CFAP298: variants seen among roughly 807,000 people sequenced by gnomAD.
CFAP298 encodes cilia- and flagella-associated protein 298.
In CFAP298, 38 loss-of-function variants were observed where a neutral mutation model predicts 41.0. The ratio of observed to expected loss-of-function variants is 0.93; its 90% CI spans 0.72 to 1.22. The LOEUF (loss-of-function observed/expected upper bound fraction) is 1.22, where lower values mean the gene tolerates loss of function less well. Ranked by LOEUF, CFAP298 falls within the 50% of genes most tolerant of loss-of-function variation. The pLI, the probability that CFAP298 is intolerant of heterozygous loss-of-function variation, is 0.00. For synonymous variants in CFAP298, 137 were observed against 135.3 expected (o/e 1.01, Z -0.09); for missense variants, 348 against 360.3 (o/e 0.97, Z 0.28).
rs1424237588 is a variant in CFAP298 at position 32,600,658 on chromosome 21, T to C, written c.*1205A>G. On this transcript the variant is annotated 3_prime_UTR_variant, in exon 7 of 7. Transcript: ENST00000290155. The stretch of plus-strand genomic sequence containing the variant: ...ATACTTGGATGGTTTACAGTGATGA[T>C]GAGTTGGAGTCTTTAAACTCAATGG... Among the ~76,000 whole-genome samples the C allele has an allele frequency of 6.6e-6, 1 of 152,222 alleles. No homozygotes were observed.
In CFAP298 at chr21:32,609,981, C is replaced by T; in HGVS notation, c.164G>A (p.Gly55Asp). The stretch of plus-strand genomic sequence containing the variant: ...TTGCATATTAGGAGGGAGAAATATG[C>T]CATGTTCGGCTAATTCTTCCATTTC... ...CSEMEELAEH[G>D]IFLPPNMQGL... Residue 55 changes from glycine to aspartate, a missense_variant, in exon 2 of 7, where the codon GGC (glycine) becomes GAC (aspartate). Coordinates refer to ENST00000290155, the MANE Select transcript of CFAP298 (RefSeq NM_021254.4). 1 of 1,613,384 alleles carries T rather than the reference C, an allele frequency of 6.2e-7. No homozygotes were observed. Among genetic ancestry groups the T allele is most frequent in the South Asian group, 1.1e-5 (1 of 91,026 alleles).
Position 32,602,352 on chromosome 21 carries a change from G to T in CFAP298, c.682C>A (p.Pro228Thr), listed in dbSNP as rs762213272. 6.2e-7 allele frequency: 1 copy of T among 1,613,462 alleles called. No individual in the cohort carries two copies. Among genetic ancestry groups the T allele is most frequent in the South Asian group, 1.1e-5 (1 of 91,078 alleles). Residue 228 changes from proline to threonine, a missense_variant, in exon 6 of 7, where the codon CCA becomes ACA. By Grantham distance (38) the Pro-to-Thr change is conservative (BLOSUM62 -1). Transcript: ENST00000290155. Reference sequence around the variant, plus strand: ...CTGCTAATAATAGGCTCTCGGGCTGGAGCTCCCTGTCCCCTCTGCAAAGAG... The same window carrying T: ...CTGCTAATAATAGGCTCTCGGGCTGTAGCTCCCTGTCCCCTCTGCAAAGAG... ...AKIQQRGQGA[P>T]AREPIISSEE...
intron 2 of CFAP298, among the ~76,000 whole-genome samples, chr21:32,608,115 G>A (rs1243818775): frequency 1.3e-5 from 2 of 150,798 alleles, no homozygotes; most frequent in Admixed American, 6.6e-5. Flanking sequence ...GGGTAGCTGC[G>A]TCTCCTTACA....
intron 4 of CFAP298, 147 bp downstream of exon 4, chr21:32,603,978 T>C (rs2038809930): frequency 5.3e-6 from 4 of 754,090 alleles, no homozygotes; most frequent in Non-Finnish European, 6.5e-6. Flanking sequence ...TGCTCCTGAA[T>C]TCAGAACTCT....
Position 32,600,722 on chromosome 21 carries a change from C to A in CFAP298, c.*1141G>T, listed in dbSNP as rs2038721054. On this transcript the variant is annotated 3_prime_UTR_variant, in exon 7 of 7. Transcript: ENST00000290155. ...CAGTTAGGATGATAGTGATCCCATC[C>A]ATCCCGTGGTTGGTCACTGAGCTGC... Among the ~76,000 whole-genome samples the A allele has an allele frequency of 1.3e-5, 2 of 152,202 alleles. No individual in the cohort carries two copies. The highest frequency in any genetic ancestry group is 4.8e-5 in the African/African-American group (2 of 41,452).
intron 5 of CFAP298, chr21:32,602,650 G>A: frequency 7.8e-7 from 1 of 1,275,502 alleles, no homozygotes; most frequent in Non-Finnish European, 9.9e-7. Context: ...AAGGGAGGAT[G>A]CTCAGAGCCA....
chr21:32,607,977 G>A lies in CFAP298; in HGVS notation c.308-261C>T, dbSNP rs76045979. 2.0e-3 allele frequency among the ~76,000 whole-genome samples: 304 copies of A among 152,022 alleles called. 2 individuals carry two copies. In the East Asian group the frequency reaches 0.039, roughly 19 times the overall value. On this transcript the variant is annotated intron_variant, in intron 2 of 6. Coordinates refer to ENST00000290155, the MANE Select transcript of CFAP298 (RefSeq NM_021254.4). Reference sequence around the variant, plus strand: ...GAAATGCATGTCGTTGGGTAAACAGGGCCGGTGAACTTTTTCTGGAAAGGG... The same window carrying A: ...GAAATGCATGTCGTTGGGTAAACAGAGCCGGTGAACTTTTTCTGGAAAGGG...
intron 1 of CFAP298, among the ~76,000 whole-genome samples, chr21:32,610,783 T>C (rs2038971245): frequency 6.6e-6 from 1 of 152,206 alleles, no homozygotes; most frequent in African/African-American, 2.4e-5. Flanking sequence ...TCATATAATG[T>C]AATCAATACA....
Position 32,601,903 on chromosome 21 carries a change from T to C in CFAP298, c.833A>G (p.His278Arg). 1.9e-6 allele frequency: 3 copies of C among 1,612,668 alleles called. No individual in the cohort carries two copies. Among genetic ancestry groups the C allele is most frequent in the Non-Finnish European group, 2.5e-6 (3 of 1,178,838 alleles). Residue 278 changes from histidine to arginine, a missense_variant, in exon 7 of 7, where the codon CAT becomes CGT. By Grantham distance (29) the His-to-Arg change is conservative. Transcript: ENST00000290155. ...CTTTATGTCTTTCACTCCATGAAAATGTCTTTTCAAAGCAGTGTTATCCGC... is the reference window on the plus strand; with the variant it reads ...CTTTATGTCTTTCACTCCATGAAAACGTCTTTTCAAAGCAGTGTTATCCGC... ...PWADNTALKR[H>R]FHGVKDIKWR...
At chr21:32,610,591 C>T (rs2038968105) in intron 1 of CFAP298, among the ~76,000 whole-genome samples, 1 of 152,214 alleles carries the variant, frequency 6.6e-6, no homozygotes, top group African/African-American at 2.4e-5. Flanking sequence ...GCATTCAGCA[C>T]ATTTCCAATT....
chr21:32,612,093 C>T lies in CFAP298; in HGVS notation c.139+12G>A. The T allele has an allele frequency of 6.5e-7, 1 of 1,545,362 alleles. No homozygotes were observed. Among genetic ancestry groups the T allele is most frequent in the South Asian group, 1.2e-5 (1 of 83,278 alleles). On this transcript the variant is annotated intron_variant, in intron 1 of 6. Coordinates refer to ENST00000290155, the MANE Select transcript of CFAP298 (RefSeq NM_021254.4). ...TCGATCTGTCCGGGATGGGCCCACC[C>T]GCGAGCCGCACCTGAGCAGAGGCGC...
At chr21:32,604,360 C>T (rs190726482) in intron 3 of CFAP298, 77 bp from the exon 4 acceptor site, 177 of 1,523,430 alleles carry the variant, frequency 1.2e-4, no homozygotes, top group Middle Eastern at 1.0e-3. Flanking sequence ...TGTACAAGAC[C>T]CTTGCCAGAT....
At chr21:32,602,171 C>G (rs1019976806) in intron 6 of CFAP298, 101 bp downstream of exon 6, 44 of 1,191,614 alleles carry the variant, frequency 3.7e-5, no homozygotes, top group Non-Finnish European at 5.3e-5. Flanking sequence ...GACCCCTCCC[C>G]GGCATTCTGC....
At chr21:32,604,400 A>C in intron 3 of CFAP298, 117 bp from the exon 4 acceptor site, 1 of 1,180,544 alleles carries the variant, frequency 8.5e-7, no homozygotes. Context: ...GAAATCAAAC[A>C]GTTCTTGCTC....
In CFAP298 at chr21:32,601,442, C is replaced by T. The variant is rs1034006898; in HGVS notation, c.*421G>A. Among the ~76,000 whole-genome samples, 33 of 151,832 alleles carry T rather than the reference C, an allele frequency of 2.2e-4. No homozygotes were observed. The highest frequency in any genetic ancestry group is 7.0e-4 in the African/African-American group (29 of 41,432). On this transcript the variant is annotated 3_prime_UTR_variant, in exon 7 of 7. Transcript: ENST00000290155. Reference sequence around the variant, plus strand: ...CCTCCCGAGTAGCTGGGACTACAGGCGCCTGCCACCATGCCCGGCTAATTT... The same window carrying T: ...CCTCCCGAGTAGCTGGGACTACAGGTGCCTGCCACCATGCCCGGCTAATTT...
At chr21:32,602,793 C>T in intron 5 of CFAP298, 1 of 1,352,626 alleles carries the variant, frequency 7.4e-7, no homozygotes, top group Non-Finnish European at 9.5e-7. Flanking sequence ...AGGTCTCGAA[C>T]CTTTCCTCCT....
At chr21:32,604,599 C>T (rs1056126851) in intron 3 of CFAP298, 7 of 306,810 alleles carry the variant, frequency 2.3e-5, no homozygotes, top group Non-Finnish European at 3.7e-5. Flanking sequence ...GAGCAGGCAC[C>T]GCAGGTGGGC....
chr21:32,599,655 C>T lies in CFAP298; in HGVS notation c.*2208G>A, dbSNP rs1162565413. Among the ~76,000 whole-genome samples the T allele has an allele frequency of 6.6e-6, 1 of 152,222 alleles. No homozygotes were observed. Among genetic ancestry groups the T allele is most frequent in the Non-Finnish European group, 1.5e-5 (1 of 68,034 alleles). ...TCCTGGACGTGACCCTGTGGTCCTA[C>T]CACCACTAGCTACCTGTGACCTTGG... On this transcript the variant is annotated 3_prime_UTR_variant, in exon 7 of 7. Transcript: ENST00000290155.
chr21:32,605,725 T>C (rs2038853421), intron 3 of CFAP298, among the ~76,000 whole-genome samples: 1 of 152,198 alleles, frequency 6.6e-6, no homozygotes, highest in African/African-American at 2.4e-5. Context: ...CACGTGCAGC[T>C]GGTGTCTGAA....
Sources: gnomAD v4.1 joint callset for allele counts (sites outside exome capture counted in the v4.1 genomes callset) on GRCh38, gnomAD v4.1.1 for gene constraint, MANE v1.5 for transcripts, NCBI Gene and HGNC (gene_info 2026-07-23, HGNC 2026-07-21) for gene names.